The following NELL1 variants were observed in gnomAD, a reference collection of about 807,000 sequenced individuals.
NELL1 encodes the protein neural EGFL like 1.
In NELL1, 76 loss-of-function variants were observed where a neutral mutation model predicts 107.4. The ratio of observed to expected loss-of-function variants is 0.71; its 90% CI spans 0.59 to 0.86. NELL1 has a LOEUF of 0.86. Among genes scored for constraint, NELL1 ranks in the 40% least tolerant of loss-of-function variants. The pLI, the probability that NELL1 is intolerant of heterozygous loss-of-function variation, is 0.00. For missense variants in NELL1, 1,024 were observed against 1,005.5 expected (o/e 1.02, Z -0.25); for synonymous variants, 353 against 341.2 (o/e 1.03, Z -0.38).
intron 15 of NELL1, among the ~76,000 whole-genome samples, chr11:21,494,002 T>C (rs1353837359): frequency 6.6e-6 from 1 of 151,986 alleles, no homozygotes; most frequent in African/African-American, 2.4e-5. Context: ...CCAATAATCA[T>C]TATTGTACAT....
intron 14 of NELL1, among the ~76,000 whole-genome samples, chr11:21,293,697 A>G (rs192531316): frequency 6.6e-6 from 1 of 152,330 alleles, no homozygotes; most frequent in East Asian, 1.9e-4. Context: ...TGCATCAGTG[A>G]TAGACTGGAT....
intron 1 of NELL1, among the ~76,000 whole-genome samples, chr11:20,676,583 G>C (rs1484729441): frequency 6.6e-6 from 1 of 152,190 alleles, no homozygotes; most frequent in African/African-American, 2.4e-5. Context: ...GCAATAACCG[G>C]TTTCAGCTCT....
At chr11:21,544,791 G>A (rs576887206) in intron 16 of NELL1, among the ~76,000 whole-genome samples, 38 of 151,846 alleles carry the variant, frequency 2.5e-4, no homozygotes, top group Non-Finnish European at 2.9e-5. Context: ...CACACTAATT[G>A]AAAACTTGAG....
At chr11:21,002,612 A>G (rs1852247785) in intron 12 of NELL1, among the ~76,000 whole-genome samples, 1 of 152,204 alleles carries the variant, frequency 6.6e-6, no homozygotes, top group Non-Finnish European at 1.5e-5. Context: ...ATTCCATCCA[A>G]CAACAGTCTA....
chr11:21,185,279 T>C (rs1474510882), intron 13 of NELL1, among the ~76,000 whole-genome samples: 5 of 149,902 alleles, frequency 3.3e-5, no homozygotes, highest in Non-Finnish European at 5.9e-5. Flanking sequence ...CATACTTGTA[T>C]TTAATTCCAG....
intron 14 of NELL1, among the ~76,000 whole-genome samples, chr11:21,321,398 AG>A (rs1362965504): frequency 3.9e-4 from 59 of 151,482 alleles, no homozygotes; most frequent in African/African-American, 1.3e-3. Flanking sequence ...GCATTGCTAG[AG>A]GGTGGGGGGC....
At chr11:21,394,368 A>G (rs1424966757) in intron 15 of NELL1, among the ~76,000 whole-genome samples, 2 of 151,554 alleles carry the variant, frequency 1.3e-5, no homozygotes, top group Admixed American at 6.6e-5. Flanking sequence ...TAATATATAC[A>G]GAACTCATGT....
At chr11:21,215,275 C>T (rs1188917151) in intron 13 of NELL1, among the ~76,000 whole-genome samples, 2 of 152,168 alleles carry the variant, frequency 1.3e-5, no homozygotes, top group South Asian at 4.1e-4. Context: ...GCTTCTTCTT[C>T]TGCCATGATT....
intron 12 of NELL1, among the ~76,000 whole-genome samples, chr11:21,007,229 A>G (rs370540847): frequency 6.6e-6 from 1 of 152,076 alleles, no homozygotes; most frequent in Non-Finnish European, 1.5e-5. Flanking sequence ...TTTTGTTTTC[A>G]GTGTTGAGGG....
At chr11:21,145,341 G>T (rs1216667437) in intron 13 of NELL1, among the ~76,000 whole-genome samples, 1 of 152,154 alleles carries the variant, frequency 6.6e-6, no homozygotes, top group Non-Finnish European at 1.5e-5. Flanking sequence ...TAGAGCCCCA[G>T]TTCTTAGCAA....
intron 12 of NELL1, among the ~76,000 whole-genome samples, chr11:20,969,652 A>T (rs1851454959): frequency 6.8e-6 from 1 of 146,968 alleles, no homozygotes. Context: ...CTCTCAGGGG[A>T]GTGATGTAGT....
At chr11:20,750,282 A>C (rs1856102715) in intron 2 of NELL1, among the ~76,000 whole-genome samples, 1 of 152,122 alleles carries the variant, frequency 6.6e-6, no homozygotes, top group Admixed American at 6.6e-5. Flanking sequence ...TATTATTTAA[A>C]AAATGGACTT....
chr11:20,720,394 A>G (rs1047286558), intron 2 of NELL1, among the ~76,000 whole-genome samples: 2 of 152,000 alleles, frequency 1.3e-5, no homozygotes, highest in East Asian at 3.9e-4. Context: ...TTTTTAGTAG[A>G]GACAGGGTTT....
At chr11:21,363,769 T>TA (rs1851143788) in intron 14 of NELL1, among the ~76,000 whole-genome samples, 1 of 152,214 alleles carries the variant, frequency 6.6e-6, no homozygotes, top group Admixed American at 6.5e-5. Context: ...AATACATGTT[T>TA]ATTATCACAC....
intron 14 of NELL1, among the ~76,000 whole-genome samples, chr11:21,363,126 C>T (rs568938149): frequency 3.3e-4 from 50 of 152,204 alleles, no homozygotes; most frequent in African/African-American, 1.2e-3. Flanking sequence ...AAATTTGTAC[C>T]CAGTCAAAAC....
chr11:21,439,010 A>T (rs1250808118), intron 15 of NELL1, among the ~76,000 whole-genome samples: 3 of 151,926 alleles, frequency 2.0e-5, no homozygotes, highest in Non-Finnish European at 4.4e-5. Context: ...TAAAACTTAG[A>T]GGTAATCCCA....
intron 14 of NELL1, among the ~76,000 whole-genome samples, chr11:21,325,442 A>G (rs1850109639): frequency 6.6e-6 from 1 of 152,084 alleles, no homozygotes; most frequent in South Asian, 2.1e-4. Flanking sequence ...GTTTCTTACC[A>G]GTGTGGCATG....
At chr11:20,767,700 G>A (rs548700128) in intron 2 of NELL1, among the ~76,000 whole-genome samples, 1 of 151,650 alleles carries the variant, frequency 6.6e-6, no homozygotes, top group Non-Finnish European at 1.5e-5. Context: ...ACAGTGAAGA[G>A]GGAACCAGCA....
intron 5 of NELL1, among the ~76,000 whole-genome samples, chr11:20,899,441 A>G (rs1849824010): frequency 6.6e-6 from 1 of 152,198 alleles, no homozygotes; most frequent in African/African-American, 2.4e-5. Flanking sequence ...ACTCAGAAAG[A>G]TAATAAATAT....
Sources: gnomAD v4.1 joint callset for allele counts (sites outside exome capture counted in the v4.1 genomes callset) on GRCh38, gnomAD v4.1.1 for gene constraint, MANE v1.5 for transcripts, NCBI Gene and HGNC (gene_info 2026-07-23, HGNC 2026-07-21) for gene names.